The following NRG3 variants were observed in gnomAD, a reference collection of about 807,000 sequenced individuals.
NRG3 encodes neuregulin 3, also known as pro-neuregulin-3, membrane-bound isoform.
Under a neutral mutation model 66.9 loss-of-function variants are expected in NRG3, and 31 were observed. The ratio of observed to expected loss-of-function variants is 0.46; its 90% CI spans 0.35 to 0.63. NRG3 has a LOEUF of 0.63. Ranked by LOEUF, NRG3 falls within the 20% of genes least tolerant of loss-of-function variation. The probability of loss-of-function intolerance (pLI) is 0.00; values close to 1 mark genes in which losing one functional copy is unlikely to be tolerated. For synonymous variants in NRG3, 393 were observed against 359.4 expected, an observed-to-expected ratio of 1.09 and a Z score of -1.06; for missense variants, 910 against 878.9, an observed-to-expected ratio of 1.04 and a Z score of -0.45.
chr10:82,866,714 A>G (rs948720239), intron 4 of NRG3, among the ~76,000 whole-genome samples: 1 of 152,204 alleles, frequency 6.6e-6, no homozygotes, highest in African/African-American at 2.4e-5. Flanking sequence ...ATCAATTAGT[A>G]GTCATCATGA....
intron 1 of NRG3, among the ~76,000 whole-genome samples, chr10:82,299,347 A>C (rs10787029): frequency 6.6e-6 from 1 of 151,954 alleles, no homozygotes; most frequent in African/African-American, 2.4e-5. Flanking sequence ...CCATTTTGCA[A>C]ATGAGAAAAC....
chr10:82,360,418 G>T (rs112702440), intron 2 of NRG3, among the ~76,000 whole-genome samples: 1 of 152,150 alleles, frequency 6.6e-6, no homozygotes, highest in East Asian at 1.9e-4. Context: ...GTTTGAATTC[G>T]TAATCAATTG....
chr10:82,870,191 A>C (rs978340101), intron 4 of NRG3, among the ~76,000 whole-genome samples: 13 of 151,698 alleles, frequency 8.6e-5, no homozygotes, highest in Non-Finnish European at 1.6e-4. Context: ...TACTATTGTC[A>C]TAGTTTTAAC....
chr10:82,099,479 G>C (rs1377312083), intron 1 of NRG3, among the ~76,000 whole-genome samples: 1 of 152,128 alleles, frequency 6.6e-6, no homozygotes, highest in Non-Finnish European at 1.5e-5. Context: ...GCTTTTACTA[G>C]GTAGTCTTGA....
At chr10:82,390,386 T>A (rs1363379399) in intron 2 of NRG3, among the ~76,000 whole-genome samples, 1 of 152,104 alleles carries the variant, frequency 6.6e-6, no homozygotes, top group East Asian at 1.9e-4. Context: ...TTTACTGACA[T>A]TCTCCAGCAT....
intron 2 of NRG3, among the ~76,000 whole-genome samples, chr10:82,384,334 G>A (rs1290742907): frequency 6.6e-6 from 1 of 151,998 alleles, no homozygotes; most frequent in African/African-American, 2.4e-5. Flanking sequence ...AGGTAAAAAT[G>A]TTACATATGT....
intron 1 of NRG3, among the ~76,000 whole-genome samples, chr10:81,932,167 TGAGAGAGAGGAGAGA>T (rs1014972469): frequency 1.1e-4 from 15 of 139,326 alleles, no homozygotes; most frequent in Admixed American, 3.6e-4. Context: ...AGAGAGAGAT[TGAGAGAGAGGAGAGA>T]GAGAGAGAGG....
Position 82,311,067 on chromosome 10 carries a change from C to A in NRG3, c.824-47672C>A, listed in dbSNP as rs933294092. The stretch of plus-strand genomic sequence containing the variant: ...AGCCAAATGAGAGTGACAGTTCTTT[C>A]CGGCTCCTCCCCTGGTTACTGATGA... On this transcript the variant is annotated intron_variant, in intron 1 of 8. Transcript: ENST00000372141. Among the ~76,000 whole-genome samples the A allele has an allele frequency of 1.3e-4, 17 of 133,322 alleles. No homozygotes were observed. The East Asian group carries it at 2.4e-3, about 19-fold the overall frequency. The allele number at this position is 133,322 out of a possible 152,430, so 87.5% of individuals were successfully genotyped here. A position where few individuals can be genotyped will look rare whatever the true frequency, so the allele number is the denominator to read the frequency against.
At chr10:82,044,889 T>C (rs527333608) in intron 1 of NRG3, among the ~76,000 whole-genome samples, 2 of 152,032 alleles carry the variant, frequency 1.3e-5, no homozygotes, top group East Asian at 2.0e-4. Flanking sequence ...CTACAAAGGA[T>C]ATGAACTCAT....
intron 2 of NRG3, among the ~76,000 whole-genome samples, chr10:82,707,716 T>A (rs537937966): frequency 2.6e-5 from 4 of 151,446 alleles, no homozygotes; most frequent in Admixed American, 2.6e-4. Context: ...ATTTTAAAAT[T>A]ACATGTTTTG....
intron 1 of NRG3, among the ~76,000 whole-genome samples, chr10:82,022,265 G>T (rs1208612461): frequency 6.6e-6 from 1 of 152,040 alleles, no homozygotes; most frequent in Non-Finnish European, 1.5e-5. Flanking sequence ...GAGTAGGCAG[G>T]AATAGCTTAC....
At chr10:82,456,704 A>T (rs1313145135) in intron 2 of NRG3, among the ~76,000 whole-genome samples, 1 of 152,172 alleles carries the variant, frequency 6.6e-6, no homozygotes, top group African/African-American at 2.4e-5. Context: ...AATATTTAAT[A>T]CATAGAAACA....
chr10:82,095,317 A>G (rs2066272325), intron 1 of NRG3, among the ~76,000 whole-genome samples: 1 of 151,720 alleles, frequency 6.6e-6, no homozygotes, highest in African/African-American at 2.4e-5. Flanking sequence ...AAAAAATGAG[A>G]GAAGCATTTT....
chr10:82,414,918 A>C (rs1354651570), intron 2 of NRG3, among the ~76,000 whole-genome samples: 1 of 152,176 alleles, frequency 6.6e-6, no homozygotes, highest in African/African-American at 2.4e-5. Context: ...TTTGCTCTTA[A>C]GGCCTTCAAC....
chr10:82,012,462 C>G (rs952085581), intron 1 of NRG3, among the ~76,000 whole-genome samples: 1 of 152,174 alleles, frequency 6.6e-6, no homozygotes, highest in Non-Finnish European at 1.5e-5. Context: ...ACATTTGGCT[C>G]CTCATTATTT....
chr10:82,307,815 CAGCTA>C (rs1306527343), intron 1 of NRG3, among the ~76,000 whole-genome samples: 2 of 151,458 alleles, frequency 1.3e-5, no homozygotes, highest in African/African-American at 4.9e-5. Flanking sequence ...TGAATTTTGC[CAGCTA>C]ATATTTAGAT....
intron 1 of NRG3, among the ~76,000 whole-genome samples, chr10:82,135,591 C>T (rs1314028591): frequency 6.6e-6 from 1 of 152,058 alleles, no homozygotes; most frequent in Non-Finnish European, 1.5e-5. Context: ...CTAATTCTGT[C>T]ATCTGCTTGC....
intron 1 of NRG3, among the ~76,000 whole-genome samples, chr10:82,286,698 C>T (rs1303505579): frequency 6.6e-6 from 1 of 152,150 alleles, no homozygotes; most frequent in Non-Finnish European, 1.5e-5. Context: ...AGCGATTCTT[C>T]TGCCTCAGCC....
intron 1 of NRG3, among the ~76,000 whole-genome samples, chr10:82,197,588 A>G (rs2074514412): frequency 6.6e-6 from 1 of 152,154 alleles, no homozygotes; most frequent in Non-Finnish European, 1.5e-5. Context: ...CTATAAATCC[A>G]TGCTTTGGAA....
Sources: allele counts gnomAD v4.1 joint callset (sites outside exome capture counted in the v4.1 genomes callset), GRCh38; gene constraint gnomAD v4.1.1; transcripts MANE v1.5; gene names NCBI Gene and HGNC (gene_info 2026-07-23, HGNC 2026-07-21).